The following LONRF1 variants were observed in gnomAD, a reference collection of about 807,000 sequenced individuals.
The protein encoded by LONRF1 is LON peptidase N-terminal domain and RING finger protein 1.
Under a neutral mutation model 85.8 loss-of-function variants are expected in LONRF1, and 37 were observed. The ratio of observed to expected loss-of-function variants is 0.43; its 90% confidence interval spans 0.33 to 0.57. LONRF1 has a LOEUF of 0.57. LONRF1 is among the 20% of genes least tolerant of loss of function. The pLI is 0.04. For missense variants in LONRF1, 1,036 were observed against 978.0 expected, an observed-to-expected ratio of 1.06 and a Z score of -0.79; for synonymous variants, 517 against 390.1, an observed-to-expected ratio of 1.33 and a Z score of -3.83.
At chr8:12,741,537 A>C (rs1798934799) in intron 2 of LONRF1, among the ~76,000 whole-genome samples, 1 of 152,246 alleles carries the variant, frequency 6.6e-6, no homozygotes, top group African/African-American at 2.4e-5. Context: ...ACACCAAGTC[A>C]GAGCTGGGCA....
intron 1 of LONRF1, among the ~76,000 whole-genome samples, chr8:12,749,292 C>T (rs186191343): frequency 1.3e-5 from 2 of 152,048 alleles, no homozygotes; most frequent in Non-Finnish European, 2.9e-5. Flanking sequence ...GGAGAGCAGA[C>T]TGGACAACAG....
chr8:12,755,151 C>A lies in LONRF1; in HGVS notation c.270G>T (p.Val90=). The A allele has an allele frequency of 7.0e-7, 1 of 1,428,094 alleles. No homozygotes were observed. 88.5% of individuals were successfully genotyped at this position (1,428,094 alleles called of 1,614,324 possible). ...PARPECLGAL[V]DCLVFNYRLR... ...GCCGGTAGTTGAACACCAGGCAGTC[C>A]ACCAGGGCGCCCAGGCACTCGGGCC... The change falls in exon 1 of 12, where the codon GTG becomes GTT. Residue 90 remains valine, a synonymous_variant. Transcript: ENST00000398246.
intron 1 of LONRF1, chr8:12,753,105 G>T (rs567110839): frequency 1.3e-5 from 2 of 152,320 alleles, no homozygotes; most frequent in South Asian, 4.1e-4. Context: ...AGAGTCATGT[G>T]TATCAGAATT....
At chr8:12,733,133 G>T (rs1291430959) in intron 7 of LONRF1, among the ~76,000 whole-genome samples, 1 of 152,160 alleles carries the variant, frequency 6.6e-6, no homozygotes, top group Admixed American at 6.5e-5. Context: ...GACAGATGCT[G>T]CTGGTCAGGG....
Position 12,754,865 on chromosome 8 carries a change from T to C in LONRF1, c.556A>G (p.Ile186Val), listed in dbSNP as rs1799569177. ...CTGGTTCTGAAGTCTGAAGCGGCGA[T>C]GGCGGCGGCCAGAGGCGGCGGCCGC... is the stretch of plus-strand genomic sequence containing the variant. ...APRPPPLAAA[I>V]AASDFRTSVV... is the part of the protein sequence containing the mutation. The change falls in exon 1 of 12, where the codon ATC becomes GTC. Residue 186 changes from isoleucine to valine, a missense_variant. Physicochemically the swap from Ile to Val is conservative, Grantham distance 29. This residue lies in a region of LONRF1 where 742 missense variants were observed against 614.4 expected (regional missense o/e 1.21). Coordinates refer to ENST00000398246, the MANE Select transcript of LONRF1 (RefSeq NM_152271.5). 7 of 1,493,020 alleles carry C rather than the reference T, an allele frequency of 4.7e-6. No individual in the cohort carries two copies. Among genetic ancestry groups the C allele is most frequent in the African/African-American group, 1.5e-5 (1 of 68,436 alleles). The allele number at this position is 1,493,020 out of a possible 1,614,324, so 92.5% of individuals were successfully genotyped here.
At chr8:12,732,330 G>A (rs1798558094) in intron 7 of LONRF1, among the ~76,000 whole-genome samples, 1 of 152,262 alleles carries the variant, frequency 6.6e-6, no homozygotes, top group African/African-American at 2.4e-5. Context: ...TTTTCTTTCA[G>A]ATTTTTCTTC....
intron 8 of LONRF1, 96 bp downstream of exon 8, chr8:12,731,640 T>C (rs1162959008): frequency 9.8e-7 from 1 of 1,024,238 alleles, no homozygotes; most frequent in Non-Finnish European, 1.4e-6. Context: ...TTGACTAGAC[T>C]GAGATGAACT....
At chr8:12,747,464 TCA>T in intron 1 of LONRF1, among the ~76,000 whole-genome samples, 1 of 152,216 alleles carries the variant, frequency 6.6e-6, no homozygotes, top group Admixed American at 6.5e-5. Context: ...CTTTTACCCA[TCA>T]CAAAGAAATA....
chr8:12,750,822 C>T (rs1435267156), intron 1 of LONRF1, among the ~76,000 whole-genome samples: 2 of 152,166 alleles, frequency 1.3e-5, no homozygotes, highest in Non-Finnish European at 2.9e-5. Context: ...TAGAACAGAA[C>T]AGGATGTAAA....
intron 1 of LONRF1, among the ~76,000 whole-genome samples, chr8:12,747,238 T>C (rs1799196303): frequency 6.6e-6 from 1 of 152,222 alleles, no homozygotes; most frequent in Non-Finnish European, 1.5e-5. Context: ...TCTTCGGCTG[T>C]CCAAAGCATT....
In LONRF1 at chr8:12,729,078, T is replaced by G; in HGVS notation, c.1848-15A>C. The G allele has an allele frequency of 6.2e-7, 1 of 1,613,054 alleles. No individual in the cohort carries two copies. The highest frequency in any genetic ancestry group is 8.5e-7 in the Non-Finnish European group (1 of 1,179,358). ...AATCTGCAAAACTAAAAGAAAACCT[T>G]GATTAGTAACAAAGTTGAAACATAA... On this transcript the variant is annotated splice_polypyrimidine_tract_variant and intron_variant, in intron 9 of 11. Coordinates refer to ENST00000398246, the MANE Select transcript of LONRF1 (RefSeq NM_152271.5).
chr8:12,740,147 G>T (rs1339193420), intron 3 of LONRF1, among the ~76,000 whole-genome samples: 1 of 152,116 alleles, frequency 6.6e-6, no homozygotes, highest in Non-Finnish European at 1.5e-5. Flanking sequence ...AAATAACGTG[G>T]CATGTTTTGA....
At chr8:12,754,338 G>A (rs965330119) in intron 1 of LONRF1, 2 of 180,050 alleles carry the variant, frequency 1.1e-5, no homozygotes, top group African/African-American at 2.4e-5. Context: ...GAAGCGAGCG[G>A]CCGCTCGGGA....
Position 12,722,983 on chromosome 8 carries a change from G to C in LONRF1, c.*113C>G, listed in dbSNP as rs1336504937. 9.4e-7 allele frequency: 1 copy of C among 1,064,352 alleles called. No individual in the cohort carries two copies. The highest frequency in any genetic ancestry group is 2.5e-5 in the East Asian group (1 of 40,766). 65.9% of individuals were successfully genotyped at this position (1,064,352 alleles called of 1,614,324 possible). ...ATGATTCAGGAGGTCGAAGGAAAAA[G>C]AAAAGTTTCATTAAATTTCTGAAAC... On this transcript the variant is annotated 3_prime_UTR_variant, in exon 12 of 12. Transcript: ENST00000398246.
At chr8:12,727,502 A>C (rs975635083) in intron 10 of LONRF1, among the ~76,000 whole-genome samples, 1 of 151,976 alleles carries the variant, frequency 6.6e-6, no homozygotes, top group Admixed American at 6.6e-5. Flanking sequence ...ATTACTAGAC[A>C]TTCCGAGGAC....
intron 4 of LONRF1, 61 bp from the exon 5 acceptor site, chr8:12,737,201 C>G: frequency 6.4e-7 from 1 of 1,571,004 alleles, no homozygotes; most frequent in Non-Finnish European, 8.7e-7. Flanking sequence ...TTCCTCTCAC[C>G]AAGAATCAAA....
chr8:12,743,273 T>C lies in LONRF1; in HGVS notation c.731A>G (p.Asp244Gly). ...ACEALRAEPSDLIVKIYRAES... is the reference protein window; with the variant it reads ...ACEALRAEPSGLIVKIYRAES... Reference sequence around the variant, plus strand: ...CGCTCTGTAAATTTTTACAATCAAGTCACTGGGTTCTGAAATAAATATTTT... The same window carrying C: ...CGCTCTGTAAATTTTTACAATCAAGCCACTGGGTTCTGAAATAAATATTTT... Residue 244 changes from aspartate to glycine, a missense_variant, in exon 2 of 12, where the codon GAC becomes GGC. Asp to Gly is a moderately conservative substitution (Grantham distance 94, BLOSUM62 -1). Coordinates refer to ENST00000398246, the MANE Select transcript of LONRF1 (RefSeq NM_152271.5). 1 of 1,570,644 alleles carries C rather than the reference T, an allele frequency of 6.4e-7. No homozygotes were observed. The highest frequency in any genetic ancestry group is 8.7e-7 in the Non-Finnish European group (1 of 1,142,920).
At chr8:12,727,405 G>A (rs1011526289) in intron 10 of LONRF1, 4 of 151,292 alleles carry the variant, frequency 2.6e-5, no homozygotes, top group Admixed American at 6.6e-5. Flanking sequence ...ATAAGAAGAG[G>A]AAAATTTGCC....
At chr8:12,723,314 C>A in intron 11 of LONRF1, 60 bp from the exon 12 acceptor site, 3 of 1,482,864 alleles carry the variant, frequency 2.0e-6, no homozygotes, top group African/African-American at 1.4e-5. Context: ...ACAACAGTAG[C>A]AAACCACCAA....
Sources: allele counts gnomAD v4.1 joint callset (sites outside exome capture counted in the v4.1 genomes callset), GRCh38; gene constraint gnomAD v4.1.1; regional missense constraint gnomAD v4.1.1; transcripts MANE v1.5; gene names NCBI Gene and HGNC (gene_info 2026-07-23, HGNC 2026-07-21).